Variants in LYPLAL1 observed in about 807,000 individuals in gnomAD.
LYPLAL1 encodes the protein lysophospholipase like 1, also known as lysophospholipase-like protein 1.
LYPLAL1 carries 23 observed loss-of-function variants against 19.7 expected under a neutral mutation model. The observed-to-expected ratio is 1.17, with a 90% confidence interval of 0.84 to 1.65. The LOEUF is 1.65. Ranked by LOEUF, LYPLAL1 falls within the 40% of genes most tolerant of loss-of-function variation. LYPLAL1 has a pLI of 0.00. For missense variants in LYPLAL1, 355 were observed against 279.4 expected (o/e 1.27, Z -1.93); for synonymous variants, 119 against 96.3 (o/e 1.24, Z -1.38).
At chr1:219,196,864 CAG>C (rs1435949353) in intron 3 of LYPLAL1, among the ~76,000 whole-genome samples, 2 of 152,054 alleles carry the variant, frequency 1.3e-5, no homozygotes, top group Non-Finnish European at 2.9e-5. Flanking sequence ...AGTAGGCAAG[CAG>C]AGAGCTAAAT....
intron 3 of LYPLAL1, among the ~76,000 whole-genome samples, chr1:219,194,212 C>T (rs1262640190): frequency 1.3e-5 from 2 of 151,850 alleles, no homozygotes; most frequent in South Asian, 2.1e-4. Flanking sequence ...TTATGTTTAA[C>T]TCTATATTTC....
the LYPLAL1 span, among the ~76,000 whole-genome samples, chr1:219,331,027 T>G: frequency 1.3e-5 from 2 of 152,220 alleles, no homozygotes; most frequent in Admixed American, 6.6e-5. Context: ...GTTTCTATCA[T>G]GTAAAGGTAT....
the LYPLAL1 span, among the ~76,000 whole-genome samples, chr1:219,322,673 C>T: frequency 1.3e-5 from 2 of 152,202 alleles, no homozygotes; most frequent in Non-Finnish European, 2.9e-5. Flanking sequence ...TTAAATTGTG[C>T]GATGCTAAGA....
At chr1:219,259,002 C>T in the LYPLAL1 span, among the ~76,000 whole-genome samples, 1 of 151,714 alleles carries the variant, frequency 6.6e-6, no homozygotes, top group Non-Finnish European at 1.5e-5. Context: ...GGCTAAGAAA[C>T]ATATGAAAAT....
At position 219,201,881 on chromosome 1, in the gene LYPLAL1, G is replaced by A. The variant is rs1259153324; in HGVS notation, c.361+8630G>A. Among the ~76,000 whole-genome samples the A allele has an allele frequency of 5.9e-5, 9 of 152,292 alleles. No homozygotes were observed. The East Asian group carries it at 1.7e-3, about 29-fold the overall frequency. On this transcript the variant is annotated intron_variant, in intron 3 of 4. Transcript: ENST00000366928. Reference sequence around the variant, plus strand: ...TATGCTGGATTCTTCACATACGTTAGTTATTGATTCATAGAGCAAATAATA... The same window carrying A: ...TATGCTGGATTCTTCACATACGTTAATTATTGATTCATAGAGCAAATAATA...
the LYPLAL1 span, among the ~76,000 whole-genome samples, chr1:219,377,599 G>A: frequency 6.6e-6 from 1 of 152,134 alleles, no homozygotes; most frequent in Non-Finnish European, 1.5e-5. Context: ...CTCACCTGTA[G>A]AAATAAAAGC....
chr1:219,422,770 T>C, the LYPLAL1 span, among the ~76,000 whole-genome samples: 1 of 152,284 alleles, frequency 6.6e-6, no homozygotes. Flanking sequence ...ACTATCTGTG[T>C]GTGTGAAAAG....
chr1:219,311,914 CA>C, the LYPLAL1 span, among the ~76,000 whole-genome samples: 4 of 151,902 alleles, frequency 2.6e-5, no homozygotes, highest in Non-Finnish European at 5.9e-5. Flanking sequence ...AATTTTTCAC[CA>C]ATAATATTTT....
At chr1:219,311,971 G>A in the LYPLAL1 span, among the ~76,000 whole-genome samples, 16 of 152,116 alleles carry the variant, frequency 1.1e-4, no homozygotes, top group African/African-American at 3.4e-4. Context: ...CAGGAAACCC[G>A]TTGGAAGGTT....
At chr1:219,304,920 G>T in the LYPLAL1 span, among the ~76,000 whole-genome samples, 4 of 152,318 alleles carry the variant, frequency 2.6e-5, no homozygotes, top group South Asian at 8.3e-4. Context: ...ACACAGTACT[G>T]CAGGTTTCAA....
the LYPLAL1 span, among the ~76,000 whole-genome samples, chr1:219,298,460 C>T: frequency 6.6e-6 from 1 of 152,212 alleles, no homozygotes; most frequent in Non-Finnish European, 1.5e-5. Context: ...TAGCCAATCC[C>T]TCTAGCCACT....
At chr1:219,417,828 C>G in the LYPLAL1 span, among the ~76,000 whole-genome samples, 2 of 152,250 alleles carry the variant, frequency 1.3e-5, no homozygotes, top group Non-Finnish European at 2.9e-5. Context: ...GTCGGGCAGT[C>G]ATCCCTCTGG....
At chr1:219,229,844 T>C in the LYPLAL1 span, among the ~76,000 whole-genome samples, 3 of 152,160 alleles carry the variant, frequency 2.0e-5, no homozygotes, top group Admixed American at 1.3e-4. Context: ...TCCTTTCCCC[T>C]AAACTAATAT....
the LYPLAL1 span, among the ~76,000 whole-genome samples, chr1:219,246,932 G>A: frequency 1.1e-4 from 16 of 152,254 alleles, no homozygotes; most frequent in Admixed American, 5.9e-4. Flanking sequence ...TGGGAAGGCC[G>A]GAACCTTAAA....
the LYPLAL1 span, among the ~76,000 whole-genome samples, chr1:219,275,518 G>T: frequency 6.6e-6 from 1 of 152,034 alleles, no homozygotes; most frequent in Non-Finnish European, 1.5e-5. Context: ...CAAATTTTAA[G>T]TTGATTTGCC....
At chr1:219,306,743 T>TAGAC in the LYPLAL1 span, among the ~76,000 whole-genome samples, 3 of 132,680 alleles carry the variant, frequency 2.3e-5, no homozygotes, top group Non-Finnish European at 4.7e-5. Flanking sequence ...GACAGATGCA[T>TAGAC]AGATAGATAG....
At chr1:219,302,667 C>T in the LYPLAL1 span, among the ~76,000 whole-genome samples, 1 of 152,146 alleles carries the variant, frequency 6.6e-6, no homozygotes, top group African/African-American at 2.4e-5. Flanking sequence ...ACATACATTG[C>T]CTAGTGTGGG....
the LYPLAL1 span, among the ~76,000 whole-genome samples, chr1:219,257,930 T>C: frequency 1.3e-5 from 2 of 152,006 alleles, no homozygotes; most frequent in Non-Finnish European, 2.9e-5. Context: ...TGGCCATTTA[T>C]AGACCTTGTC....
the LYPLAL1 span, among the ~76,000 whole-genome samples, chr1:219,293,257 C>T: frequency 6.6e-6 from 1 of 150,578 alleles, no homozygotes; most frequent in Non-Finnish European, 1.5e-5. Context: ...CCATACAGAG[C>T]TGAAAAAAAT....
Sources: gnomAD v4.1 joint callset for allele counts (sites outside exome capture counted in the v4.1 genomes callset) on GRCh38, gnomAD v4.1.1 for gene constraint, MANE v1.5 for transcripts, NCBI Gene and HGNC (gene_info 2026-07-23, HGNC 2026-07-21) for gene names.